The following NRG4 variants were observed in gnomAD, a reference collection of about 807,000 sequenced individuals.
NRG4 encodes neuregulin 4, also known as pro-neuregulin-4, membrane-bound isoform.
A neutral mutation model predicts 15.0 loss-of-function variants in NRG4; 10 were observed. The observed-to-expected ratio is 0.67, with a 90% CI of 0.41 to 1.13. NRG4 has a LOEUF of 1.13. NRG4 is among the 50% of genes most tolerant of loss of function. The pLI, the probability that NRG4 is intolerant of heterozygous loss-of-function variation, is 0.00. For missense variants in NRG4, 139 were observed against 140.2 expected (o/e 0.99, Z 0.04); for synonymous variants, 41 against 50.1 (o/e 0.82, Z 0.77).
chr15:75,962,698 T>C (rs138831132), intron 3 of NRG4, among the ~76,000 whole-genome samples: 10 of 152,312 alleles, frequency 6.6e-5, no homozygotes, highest in African/African-American at 2.2e-4. Flanking sequence ...CAATCATTCC[T>C]TTTTCCTTGT....
intron 4 of NRG4, among the ~76,000 whole-genome samples, chr15:76,039,601 C>T (rs896556469): frequency 7.9e-5 from 12 of 151,914 alleles, no homozygotes; most frequent in Non-Finnish European, 1.0e-4. Flanking sequence ...ATGAAGCACA[C>T]CTACATTATC....
chr15:76,005,757 G>T, intron 3 of NRG4: 1 of 436,340 alleles, frequency 2.3e-6, no homozygotes, highest in Non-Finnish European at 4.6e-6. Flanking sequence ...TCATTAAGTG[G>T]AAGTAGATCA....
chr15:75,945,610 A>G (rs1299127305), intron 5 of NRG4: 2 of 152,244 alleles, frequency 1.3e-5, no homozygotes, highest in East Asian at 1.9e-4. Context: ...ACTCATGTAC[A>G]GGAGTAAAGT....
chr15:76,059,346 G>A (rs1051595776), intron 1 of NRG4, among the ~76,000 whole-genome samples: 1 of 152,216 alleles, frequency 6.6e-6, no homozygotes, highest in African/African-American at 2.4e-5. Flanking sequence ...TTTCCCCTCG[G>A]TGGCCTCCAA....
At chr15:75,951,431 G>A (rs1004343776) in intron 5 of NRG4, among the ~76,000 whole-genome samples, 3 of 152,050 alleles carry the variant, frequency 2.0e-5, no homozygotes, top group South Asian at 2.1e-4. Context: ...GCCTCCCAAA[G>A]TGCTGGGATT....
At chr15:76,048,612 C>A (rs1233727713) in intron 4 of NRG4, among the ~76,000 whole-genome samples, 1 of 150,914 alleles carries the variant, frequency 6.6e-6, no homozygotes, top group East Asian at 1.9e-4. Context: ...AGTGCTATAG[C>A]TCTGTATAGA....
chr15:76,039,767 G>A (rs2035685656), intron 4 of NRG4, among the ~76,000 whole-genome samples: 1 of 152,192 alleles, frequency 6.6e-6, no homozygotes, highest in Admixed American at 6.5e-5. Context: ...CTGGCTGGGT[G>A]CGGTGGCTAA....
chr15:76,029,010 C>T (rs1446057970), intron 5 of NRG4, among the ~76,000 whole-genome samples: 1 of 150,850 alleles, frequency 6.6e-6, no homozygotes, highest in African/African-American at 2.4e-5. Flanking sequence ...AGAGAAACTA[C>T]AGGATAAATC....
At chr15:76,053,069 G>C (rs955652637) in intron 2 of NRG4, 1 of 150,986 alleles carries the variant, frequency 6.6e-6, no homozygotes, top group African/African-American at 2.5e-5. Context: ...AAAAAACTTA[G>C]AGAACTTCTA....
At chr15:76,038,930 G>T (rs2035662442) in intron 4 of NRG4, among the ~76,000 whole-genome samples, 1 of 152,194 alleles carries the variant, frequency 6.6e-6, no homozygotes, top group Admixed American at 6.5e-5. Flanking sequence ...CCATTTGTTT[G>T]GGAGAAAGTA....
intron 5 of NRG4, among the ~76,000 whole-genome samples, chr15:75,949,434 C>CTTTTT (rs1408060544): frequency 6.6e-6 from 1 of 151,648 alleles, no homozygotes; most frequent in Non-Finnish European, 1.5e-5. Flanking sequence ...TTTAAATGGG[C>CTTTTT]TGTCTTTTTA....
intron 3 of NRG4, among the ~76,000 whole-genome samples, chr15:75,970,540 G>A (rs1031510612): frequency 1.3e-5 from 2 of 152,210 alleles, no homozygotes; most frequent in African/African-American, 2.4e-5. Flanking sequence ...GGCTCTATGG[G>A]CAGTTACTGG....
chr15:75,988,646 T>C (rs770223112), intron 3 of NRG4, among the ~76,000 whole-genome samples: 14 of 152,280 alleles, frequency 9.2e-5, no homozygotes, highest in Non-Finnish European at 1.3e-4. Context: ...TCACACTGGA[T>C]ATTAACTCTG....
At chr15:75,981,591 A>C (rs2033609811) in intron 3 of NRG4, among the ~76,000 whole-genome samples, 1 of 152,192 alleles carries the variant, frequency 6.6e-6, no homozygotes, top group Non-Finnish European at 1.5e-5. Flanking sequence ...TGCTAGTAGC[A>C]GCTGCAAGTA....
intron 3 of NRG4, among the ~76,000 whole-genome samples, chr15:75,997,981 G>C (rs979153155): frequency 1.3e-5 from 2 of 152,194 alleles, no homozygotes; most frequent in Non-Finnish European, 2.9e-5. Context: ...GGGCTGAATG[G>C]CTAATTCTAC....
intron 3 of NRG4, among the ~76,000 whole-genome samples, chr15:76,000,866 G>A (rs117409623): frequency 7.2e-5 from 11 of 152,152 alleles, no homozygotes; most frequent in Non-Finnish European, 1.3e-4. Flanking sequence ...GAATTGGGAA[G>A]CCATATATTA....
intron 5 of NRG4, among the ~76,000 whole-genome samples, chr15:76,017,510 C>T (rs556936843): frequency 7.2e-5 from 11 of 152,076 alleles, no homozygotes; most frequent in Non-Finnish European, 1.6e-4. Context: ...CCTTCAGGGG[C>T]TCTTGTAAAG....
In NRG4 at chr15:75,964,798, C is replaced by T. The variant is rs150524654; in HGVS notation, c.105-2824G>A. On this transcript the variant is annotated intron_variant, in intron 3 of 5. Transcript: ENST00000394907. Reference sequence around the variant, plus strand: ...CAAAAATTAGCTGGCTGGTGGCCCACGCCTGTAGTCACAACTACTCAGGAG... The same window carrying T: ...CAAAAATTAGCTGGCTGGTGGCCCATGCCTGTAGTCACAACTACTCAGGAG... 4.4e-3 allele frequency among the ~76,000 whole-genome samples: 670 copies of T among 152,030 alleles called. 13 individuals are homozygous for T. The highest frequency in any genetic ancestry group is 0.015 in the African/African-American group (623 of 41,474).
chr15:75,967,432 T>C (rs569082187), intron 3 of NRG4, among the ~76,000 whole-genome samples: 1 of 150,724 alleles, frequency 6.6e-6, no homozygotes, highest in African/African-American at 2.4e-5. Flanking sequence ...TAAATTTAAG[T>C]CCAGTTATGA....
Sources: gnomAD v4.1 joint callset for allele counts (sites outside exome capture counted in the v4.1 genomes callset) on GRCh38, gnomAD v4.1.1 for gene constraint, MANE v1.5 for transcripts, NCBI Gene and HGNC (gene_info 2026-07-23, HGNC 2026-07-21) for gene names.